Variants in B3GALNT1 observed in about 807,000 individuals in gnomAD.
The protein encoded by B3GALNT1 is UDP-GalNAc:beta-1,3-N-acetylgalactosaminyltransferase 1.
B3GALNT1 carries 17 observed loss-of-function variants against 27.3 expected under a neutral mutation model. The observed-to-expected ratio is 0.62, with a 90% CI of 0.43 to 0.94. B3GALNT1 has a LOEUF of 0.94. Ranked by LOEUF, B3GALNT1 falls within the 40% of genes least tolerant of loss-of-function variation. The probability of loss-of-function intolerance (pLI) is 0.00; values close to 1 mark genes in which losing one functional copy is unlikely to be tolerated. For synonymous variants in B3GALNT1, 141 were observed against 144.0 expected (o/e 0.98, Z 0.15); for missense variants, 347 against 390.0 (o/e 0.89, Z 0.93).
chr3:161,105,235 C>G lies in B3GALNT1; in HGVS notation c.-309G>C, dbSNP rs2108524465. The G allele has an allele frequency of 6.6e-6, 1 of 152,470 alleles. No homozygotes were observed. The highest frequency in any genetic ancestry group is 2.4e-5 in the African/African-American group (1 of 41,592). 9.4% of individuals were successfully genotyped at this position (152,470 alleles called of 1,614,324 possible). On this transcript the variant is annotated splice_region_variant and 5_prime_UTR_variant, in exon 1 of 5. Transcript: ENST00000320474. ...CTGCAGGGCCGCCCTTCTCACTCAC[C>G]TCCTGTGCTCGGCGCGCACCCAGCT... is the stretch of plus-strand genomic sequence containing the variant.
In B3GALNT1 at chr3:161,085,719, A is replaced by G; in HGVS notation, c.*40T>C. On this transcript the variant is annotated 3_prime_UTR_variant, in exon 5 of 5. Coordinates refer to ENST00000320474, the MANE Select transcript of B3GALNT1 (RefSeq NM_003781.4). Reference sequence around the variant, plus strand: ...ACCTACTTTATTTAACACTTTCCACAAAGTATCCTGTCCTTCTAGGCTTTT... The same window carrying G: ...ACCTACTTTATTTAACACTTTCCACGAAGTATCCTGTCCTTCTAGGCTTTT... 1.9e-6 allele frequency: 3 copies of G among 1,608,434 alleles called. No individual in the cohort carries two copies. The highest frequency in any genetic ancestry group is 8.5e-7 in the Non-Finnish European group (1 of 1,174,928).
At chr3:161,100,137 T>TC (rs1730428081) in intron 4 of B3GALNT1, among the ~76,000 whole-genome samples, 5 of 152,220 alleles carry the variant, frequency 3.3e-5, no homozygotes, top group Admixed American at 2.0e-4. Flanking sequence ...AAAGATAGTG[T>TC]TATTCTAACA....
At chr3:161,089,076 A>C (rs1723560185) in intron 4 of B3GALNT1, among the ~76,000 whole-genome samples, 1 of 152,228 alleles carries the variant, frequency 6.6e-6, no homozygotes, top group African/African-American at 2.4e-5. Context: ...AGGTGGCTCC[A>C]AAGCCAGCCA....
Position 161,085,585 on chromosome 3 carries a change from CCTGA to C in B3GALNT1, c.*170_*173del, listed in dbSNP as rs1721249931. 5 of 663,638 alleles carry C rather than the reference CCTGA, an allele frequency of 7.5e-6. No homozygotes were observed. The highest frequency in any genetic ancestry group is 1.8e-5 in the South Asian group (1 of 54,124). The allele number at this position is 663,638 out of a possible 1,614,324, so 41.1% of individuals were successfully genotyped here. On this transcript the variant is annotated 3_prime_UTR_variant, in exon 5 of 5. Transcript: ENST00000320474. Reference sequence around the variant, plus strand: ...TCCTCCACATATCATCTTTGAAGGGCCTGACTAATAAATCACAAGTGTAACCCTC... The same window carrying C: ...TCCTCCACATATCATCTTTGAAGGGCCTAATAAATCACAAGTGTAACCCTC...
chr3:161,101,047 A>G (rs1730961141), intron 4 of B3GALNT1, 92 bp downstream of exon 4: 1 of 959,228 alleles, frequency 1.0e-6, no homozygotes, highest in South Asian at 1.4e-5. Flanking sequence ...GCCAGGGCAC[A>G]GTGCCCCAGG....
At chr3:161,103,539 AAT>A (rs1021215957) in intron 2 of B3GALNT1, 22 bp from the exon 3 acceptor site, 7 of 1,003,756 alleles carry the variant, frequency 7.0e-6, no homozygotes, top group South Asian at 1.4e-5. Context: ...AACAGAAAAA[AAT>A]ATATATGAGT....
At chr3:161,101,328 T>C (rs1400328779) in intron 3 of B3GALNT1, 95 bp from the exon 4 acceptor site, 4 of 681,410 alleles carry the variant, frequency 5.9e-6, no homozygotes, top group Admixed American at 4.7e-5. Flanking sequence ...CAAAGAGCTT[T>C]ATCCACTGGA....
intron 2 of B3GALNT1, chr3:161,104,022 C>T (rs1043268703): frequency 6.9e-5 from 16 of 230,258 alleles, no homozygotes; most frequent in Admixed American, 1.7e-4. Context: ...CCACCGCGCC[C>T]GGCCTGGATG....
chr3:161,094,120 G>T (rs887677611), intron 4 of B3GALNT1, among the ~76,000 whole-genome samples: 2 of 152,170 alleles, frequency 1.3e-5, no homozygotes, highest in Admixed American at 1.3e-4. Flanking sequence ...CAAGACTCCA[G>T]ATCTCACATT....
chr3:161,096,438 C>A (rs1576724707), intron 4 of B3GALNT1, among the ~76,000 whole-genome samples: 1 of 152,298 alleles, frequency 6.6e-6, no homozygotes, highest in East Asian at 1.9e-4. Flanking sequence ...TTGCAACATT[C>A]TAACTTTTCT....
At position 161,086,610 on chromosome 3, in the gene B3GALNT1, A is replaced by G. The variant is rs1722124187; in HGVS notation, c.145T>C (p.Trp49Arg). Residue 49 changes from tryptophan (W) to arginine (R), a missense_variant, in exon 5 of 5, where the codon TGG becomes CGG. Physicochemically the swap from Trp to Arg is moderately radical, Grantham distance 101. Coordinates refer to ENST00000320474, the MANE Select transcript of B3GALNT1 (RefSeq NM_003781.4). ...PHYNVIERVNWMYFYEYEPIY... is the reference protein window; with the variant it reads ...PHYNVIERVNRMYFYEYEPIY... ...GGCTCATACTCATAGAAGTACATCC[A>G]GTTCACGCGTTCTATCACATTGTAG... 1 of 1,614,116 alleles carries G rather than the reference A, an allele frequency of 6.2e-7. No individual in the cohort carries two copies. Among genetic ancestry groups the G allele is most frequent in the Non-Finnish European group, 8.5e-7 (1 of 1,180,058 alleles).
intron 4 of B3GALNT1, 59 bp downstream of exon 4, chr3:161,101,080 C>T: frequency 8.1e-7 from 1 of 1,240,918 alleles, no homozygotes; most frequent in Non-Finnish European, 1.1e-6. Context: ...CACATCTAAT[C>T]TCACAGCCTC....
chr3:161,087,097 T>C (rs1172076153), intron 4 of B3GALNT1, among the ~76,000 whole-genome samples: 1 of 152,136 alleles, frequency 6.6e-6, no homozygotes, highest in African/African-American at 2.4e-5. Context: ...GCAGATATGA[T>C]AGGGACAGAA....
Position 161,085,844 on chromosome 3 carries a change from C to A in B3GALNT1, c.911G>T (p.Arg304Leu). 6.2e-7 allele frequency: 1 copy of A among 1,614,126 alleles called. No homozygotes were observed. The highest frequency in any genetic ancestry group is 8.5e-7 in the Non-Finnish European group (1 of 1,180,018). Residue 304 changes from arginine (R) to leucine (L), a missense_variant, in exon 5 of 5, where the codon CGT (arginine) becomes CTT (leucine). By Grantham distance (102) the Arg-to-Leu change is moderately radical (BLOSUM62 -2). Coordinates refer to ENST00000320474, the MANE Select transcript of B3GALNT1 (RefSeq NM_003781.4). Reference protein sequence around the residue: ...RIHLDVCQLRRVIAAHGFSSK... With the variant: ...RIHLDVCQLRLVIAAHGFSSK... Reference sequence around the variant, plus strand: ...AGAAAAGCCATGGGCTGCAATCACACGTCTCAGTTGACAGACATCCAAATG... The same window carrying A: ...AGAAAAGCCATGGGCTGCAATCACAAGTCTCAGTTGACAGACATCCAAATG...
intron 2 of B3GALNT1, chr3:161,103,884 C>T (rs1430686632): frequency 5.6e-6 from 1 of 180,006 alleles, no homozygotes; most frequent in Admixed American, 5.9e-5. Context: ...TGTGCCACCA[C>T]ACCCAGCTAA....
chr3:161,101,318 C>A (rs1342274933), intron 3 of B3GALNT1, 85 bp from the exon 4 acceptor site: 21 of 818,708 alleles, frequency 2.6e-5, no homozygotes, highest in Non-Finnish European at 3.6e-5. Flanking sequence ...TGTTTTGTTA[C>A]AAAGAGCTTT....
chr3:161,095,858 C>T (rs1727870988), intron 4 of B3GALNT1, among the ~76,000 whole-genome samples: 1 of 152,214 alleles, frequency 6.6e-6, no homozygotes, highest in Non-Finnish European at 1.5e-5. Context: ...ATTTCACCTG[C>T]CTAAAGCCCC....
At position 161,085,258 on chromosome 3, in the gene B3GALNT1, A is replaced by C. The variant is rs1169814201; in HGVS notation, c.*501T>G. The C allele has an allele frequency of 6.5e-6, 1 of 152,976 alleles. No individual in the cohort carries two copies. The highest frequency in any genetic ancestry group is 2.4e-5 in the African/African-American group (1 of 41,462). The allele number at this position is 152,976 out of a possible 1,614,324, so 9.5% of individuals were successfully genotyped here. A position where few individuals can be genotyped will look rare whatever the true frequency, so the allele number is the denominator to read the frequency against. ...AACTGTGAAATACTGCAACATCTTGAAGTACTTTATAAATGACCAAAAACA... is the reference window on the plus strand; with the variant it reads ...AACTGTGAAATACTGCAACATCTTGCAGTACTTTATAAATGACCAAAAACA... On this transcript the variant is annotated 3_prime_UTR_variant, in exon 5 of 5. Coordinates refer to ENST00000320474, the MANE Select transcript of B3GALNT1 (RefSeq NM_003781.4).
chr3:161,094,899 T>C (rs1727274438), intron 4 of B3GALNT1, among the ~76,000 whole-genome samples: 1 of 152,232 alleles, frequency 6.6e-6, no homozygotes, highest in South Asian at 2.1e-4. Flanking sequence ...CATGGGTTTA[T>C]ATAAGCCCCT....
Sources: gnomAD v4.1 joint callset for allele counts (sites outside exome capture counted in the v4.1 genomes callset) on GRCh38, gnomAD v4.1.1 for gene constraint, MANE v1.5 for transcripts, NCBI Gene and HGNC (gene_info 2026-07-23, HGNC 2026-07-21) for gene names.